TIAM1: variants seen among roughly 807,000 people sequenced by gnomAD.
TIAM1 encodes the protein TIAM Rac1 associated GEF 1.
Under a neutral mutation model 163.5 loss-of-function variants are expected in TIAM1, and 65 were observed. That is an observed-to-expected ratio of 0.40 (90% CI 0.33 to 0.49). The LOEUF (loss-of-function observed/expected upper bound fraction) is 0.49. TIAM1 is among the 20% of genes least tolerant of loss of function. The probability of loss-of-function intolerance (pLI) is 0.77; values close to 1 mark genes in which losing one functional copy is unlikely to be tolerated. For missense variants in TIAM1, 1,789 were observed against 2,044.7 expected, an observed-to-expected ratio of 0.87 and a Z score of 2.41; for synonymous variants, 833 against 810.1, an observed-to-expected ratio of 1.03 and a Z score of -0.48.
intron 19 of TIAM1, among the ~76,000 whole-genome samples, chr21:31,147,941 T>G (rs1319956729): frequency 1.6e-5 from 2 of 127,494 alleles, no homozygotes; most frequent in Non-Finnish European, 3.1e-5. Context: ...AGTAACAAAC[T>G]AGGTTCCCCA....
intron 6 of TIAM1, among the ~76,000 whole-genome samples, chr21:31,243,203 A>ATATAT (rs1214097603): frequency 3.8e-5 from 5 of 132,716 alleles, no homozygotes; most frequent in African/African-American, 1.6e-4. Context: ...AAAAAAAAAA[A>ATATAT]AAAAAAATAT....
intron 20 of TIAM1, among the ~76,000 whole-genome samples, chr21:31,143,026 G>A (rs1052159482): frequency 2.0e-5 from 3 of 152,184 alleles, no homozygotes; most frequent in African/African-American, 7.2e-5. Context: ...CAACGTAACA[G>A]TGGACACACG....
In TIAM1 at chr21:31,503,149, C is replaced by T. The variant is rs183967636; in HGVS notation, c.-421-39114G>A. Among the ~76,000 whole-genome samples the T allele has an allele frequency of 2.7e-3, 418 of 152,132 alleles. 4 individuals carry two copies. The highest frequency in any genetic ancestry group is 4.6e-3 in the Non-Finnish European group (311 of 68,006). On this transcript the variant is annotated intron_variant, in intron 1 of 28. Transcript: ENST00000286827. ...GTGGTTCACGCCTGTAATCCCAGCA[C>T]TTTGGGAGGCTGCGGCGGGTGGGTC... is the stretch of plus-strand genomic sequence containing the variant.
chr21:31,162,409 G>A (rs2083971789), intron 16 of TIAM1, among the ~76,000 whole-genome samples: 1 of 151,982 alleles, frequency 6.6e-6, no homozygotes, highest in Admixed American at 6.6e-5. Flanking sequence ...CCCTAAGTGA[G>A]AAATTTAATT....
chr21:31,434,483 C>T lies in TIAM1; in HGVS notation c.-369+29500G>A, dbSNP rs187727266. Among the ~76,000 whole-genome samples, 394 of 152,298 alleles carry T rather than the reference C, an allele frequency of 2.6e-3. 3 individuals carry two copies. The highest frequency in any genetic ancestry group is 9.0e-3 in the African/African-American group (374 of 41,564). On this transcript the variant is annotated intron_variant, in intron 2 of 28. Coordinates refer to the TIAM1 transcript ENST00000286827. ...TGAAATGGGCATGCTAAAGCGTTTGCTTCTTGATGGCAAATGGTCACTTGT... is the reference window on the plus strand; with the variant it reads ...TGAAATGGGCATGCTAAAGCGTTTGTTTCTTGATGGCAAATGGTCACTTGT...
At chr21:31,314,045 G>C (rs184781884) in intron 2 of TIAM1, among the ~76,000 whole-genome samples, 36 of 152,282 alleles carry the variant, frequency 2.4e-4, no homozygotes, top group Admixed American at 9.8e-4. Context: ...CTACTAAGAA[G>C]AACAATGTTT....
chr21:31,490,388 C>T (rs1458928754), intron 1 of TIAM1, among the ~76,000 whole-genome samples: 1 of 151,690 alleles, frequency 6.6e-6, no homozygotes, highest in Admixed American at 6.6e-5. Context: ...GATTAAAACA[C>T]GAAATAAAAT....
At position 31,145,371 on chromosome 21, in the gene TIAM1, T is replaced by C. The variant is rs1293687828; in HGVS notation, c.3475+1524A>G. Among the ~76,000 whole-genome samples the C allele has an allele frequency of 6.1e-4, 93 of 152,342 alleles. 1 individual carries two copies. On this transcript the variant is annotated intron_variant, in intron 20 of 27. Transcript: ENST00000541036. The stretch of plus-strand genomic sequence containing the variant: ...CAAACATAAACACAAGAACATTATT[T>C]ACATATCCGGGGACCTGATCAGCAG...
chr21:31,287,397 CT>C (rs2073852678), intron 2 of TIAM1, among the ~76,000 whole-genome samples: 2 of 152,320 alleles, frequency 1.3e-5, no homozygotes, highest in South Asian at 4.1e-4. Context: ...TAGACCATTT[CT>C]TTATGATGCA....
At chr21:31,171,526 T>C (rs918935166) in intron 15 of TIAM1, among the ~76,000 whole-genome samples, 1 of 152,238 alleles carries the variant, frequency 6.6e-6, no homozygotes, top group Admixed American at 6.5e-5. Flanking sequence ...ATTGGCGGCA[T>C]ATCTGATTCT....
At chr21:31,194,283 T>A (rs1016709689) in intron 13 of TIAM1, among the ~76,000 whole-genome samples, 2 of 152,132 alleles carry the variant, frequency 1.3e-5, no homozygotes, top group Admixed American at 1.3e-4. Flanking sequence ...AAATCATAGT[T>A]GTGAGTATGA....
chr21:31,185,198 C>A (rs2085221655), intron 14 of TIAM1, among the ~76,000 whole-genome samples: 1 of 151,870 alleles, frequency 6.6e-6, no homozygotes, highest in Non-Finnish European at 1.5e-5. Flanking sequence ...AAGAAAGAAA[C>A]AAAGGTGGAT....
intron 2 of TIAM1, among the ~76,000 whole-genome samples, chr21:31,369,840 C>G (rs2076565481): frequency 6.6e-6 from 1 of 152,126 alleles, no homozygotes; most frequent in South Asian, 2.1e-4. Context: ...CAAAAATTAG[C>G]TGGGCGTGGT....
At chr21:31,233,336 C>CT (rs1236149297) in intron 6 of TIAM1, among the ~76,000 whole-genome samples, 1 of 152,056 alleles carries the variant, frequency 6.6e-6, no homozygotes, top group East Asian at 1.9e-4. Flanking sequence ...TCTGAAAAGG[C>CT]TTTTTTCTTG....
At chr21:31,125,979 A>G (rs2082182961) in intron 26 of TIAM1, among the ~76,000 whole-genome samples, 1 of 152,188 alleles carries the variant, frequency 6.6e-6, no homozygotes, top group Admixed American at 6.5e-5. Context: ...TGCAAAAAAT[A>G]ATTGCAGTTT....
chr21:31,158,062 G>A (rs907562167), intron 16 of TIAM1, among the ~76,000 whole-genome samples: 9 of 152,114 alleles, frequency 5.9e-5, no homozygotes, highest in South Asian at 2.1e-4. Context: ...ATTTTTAAGA[G>A]TGTGAACAGG....
At chr21:31,379,886 C>T (rs977087159) in intron 2 of TIAM1, among the ~76,000 whole-genome samples, 2 of 152,116 alleles carry the variant, frequency 1.3e-5, no homozygotes, top group Admixed American at 6.5e-5. Flanking sequence ...GAGGGAAATA[C>T]GGATGGCTGG....
rs1238444654 is a variant in TIAM1, at chr21:31,165,058, G to A, written c.2895C>T (p.Ser965=). 1 of 1,613,846 alleles carries A rather than the reference G, an allele frequency of 6.2e-7. No homozygotes were observed. The highest frequency in any genetic ancestry group is 1.7e-5 in the Admixed American group (1 of 60,030). The change falls in exon 16 of 28, where the codon AGC becomes AGT. Residue 965 remains serine (S), a synonymous_variant. Coordinates refer to ENST00000541036, the MANE Select transcript of TIAM1 (RefSeq NM_001353694.2). ...CACTGCTGCCCTGCTCGCTGCAAAG[G>A]CTGTGCCCTGTCAGATGAAATCAGA... ...LAFLTSNPGH[S]LCSEQGSSAE...
intron 23 of TIAM1, among the ~76,000 whole-genome samples, chr21:31,132,516 C>A (rs1256276536): frequency 6.6e-6 from 1 of 152,174 alleles, no homozygotes; most frequent in South Asian, 2.1e-4. Context: ...ATCAGAGAGG[C>A]TGGGACAGCT....
Sources: allele counts gnomAD v4.1 joint callset (sites outside exome capture counted in the v4.1 genomes callset), GRCh38; gene constraint gnomAD v4.1.1; transcripts MANE v1.5; gene names NCBI Gene and HGNC (gene_info 2026-07-23, HGNC 2026-07-21).